The following PARVB variants were observed in gnomAD, a reference collection of about 807,000 sequenced individuals.
PARVB encodes parvin beta, also known as beta-parvin.
In PARVB, 46 loss-of-function variants were observed where a neutral mutation model predicts 47.0. That is an observed-to-expected ratio of 0.98 (90% CI 0.77 to 1.25). PARVB has a LOEUF of 1.25. PARVB is among the 50% of genes most tolerant of loss of function. PARVB has a pLI of 0.00. For missense variants in PARVB, 473 were observed against 471.6 expected (o/e 1.00, Z -0.03); for synonymous variants, 196 against 196.3 (o/e 1.00, Z 0.01).
intron 11 of PARVB, among the ~76,000 whole-genome samples, chr22:44,159,801 G>A (rs868740343): frequency 6.6e-6 from 1 of 152,176 alleles, no homozygotes; most frequent in African/African-American, 2.4e-5. Context: ...CAACACCCGT[G>A]TACTCAAAAC....
intron 7 of PARVB, chr22:44,138,938 G>A (rs993552656): frequency 2.0e-5 from 3 of 152,236 alleles, no homozygotes; most frequent in African/African-American, 7.2e-5. Context: ...AAGGACTTGA[G>A]CCTAGAGGGA....
intron 1 of PARVB, among the ~76,000 whole-genome samples, chr22:44,086,084 C>T (rs1471230971): frequency 6.6e-6 from 1 of 152,222 alleles, no homozygotes; most frequent in Non-Finnish European, 1.5e-5. Context: ...GTTTGGGCCA[C>T]AGTCACGGGG....
chr22:44,107,111 T>C (rs1319527285), intron 3 of PARVB: 3 of 151,848 alleles, frequency 2.0e-5, no homozygotes, highest in Non-Finnish European at 2.9e-5. Context: ...CAGAAGGGAG[T>C]TGAATGGACA....
Position 44,154,194 on chromosome 22 carries a change from CAA to C in PARVB, c.843+2644_843+2645del, listed in dbSNP as rs2053868899. ...AAATTTGCATTTGTTTTTATTTACT[CAA>C]TATCTTCATTTTTTTCCCCCCGATT... is the stretch of plus-strand genomic sequence containing the variant. On this transcript the variant is annotated intron_variant, in intron 10 of 12. Transcript: ENST00000338758. Among the ~76,000 whole-genome samples the C allele has an allele frequency of 2.7e-5, 4 of 150,800 alleles. No individual in the cohort carries two copies. In the Admixed American group the frequency reaches 2.7e-4, roughly 10 times the overall value.
chr22:44,015,316 G>A (rs1275645420), intron 2 of PARVB, among the ~76,000 whole-genome samples: 1 of 152,082 alleles, frequency 6.6e-6, no homozygotes, highest in Non-Finnish European at 1.5e-5. Flanking sequence ...CTAACAAAGA[G>A]CAGCCTGAAA....
upstream of PARVB, chr22:44,024,280 C>G (rs1237597913): frequency 1.0e-6 from 1 of 958,832 alleles, no homozygotes; most frequent in Non-Finnish European, 1.2e-6. Context: ...TCGGCCTCTC[C>G]CCGGGGCGAC....
chr22:44,080,952 G>A (rs1017264275), intron 1 of PARVB, among the ~76,000 whole-genome samples: 1 of 152,176 alleles, frequency 6.6e-6, no homozygotes, highest in Non-Finnish European at 1.5e-5. Flanking sequence ...GGAGAGGAAG[G>A]GGAATGGATG....
chr22:44,008,412 G>C (rs1016990992), intron 2 of PARVB, among the ~76,000 whole-genome samples: 2 of 152,134 alleles, frequency 1.3e-5, no homozygotes, highest in African/African-American at 4.8e-5. Flanking sequence ...GCGCGGTCTA[G>C]AGACAGGATT....
At chr22:44,139,025 G>A (rs2053497200) in intron 7 of PARVB, 1 of 152,172 alleles carries the variant, frequency 6.6e-6, no homozygotes, top group African/African-American at 2.4e-5. Flanking sequence ...CACTCACTGG[G>A]AATCTTTGAG....
In PARVB at chr22:44,028,131, A is replaced by G. The variant is rs368288372; in HGVS notation, c.112+3680A>G. On this transcript the variant is annotated intron_variant, in intron 1 of 12. Coordinates refer to ENST00000338758, the MANE Select transcript of PARVB (RefSeq NM_013327.5). ...GACATCATTATCTCCGCAAGCTCAT[A>G]GTTTACATTAGGGGTTGCTCTTGCC... is the stretch of plus-strand genomic sequence containing the variant. Among the ~76,000 whole-genome samples, 22 of 152,000 alleles carry G rather than the reference A, an allele frequency of 1.4e-4. 1 individual carries two copies. The East Asian group carries it at 3.7e-3, about 25-fold the overall frequency.
intron 9 of PARVB, 64 bp from the exon 10 acceptor site, chr22:44,151,419 C>A (rs903345175): frequency 2.5e-6 from 3 of 1,211,948 alleles, no homozygotes; most frequent in Non-Finnish European, 3.7e-6. Flanking sequence ...GTCAAGCCTG[C>A]CCCTCCAGAT....
At chr22:44,098,248 G>A (rs540114867) in intron 2 of PARVB, among the ~76,000 whole-genome samples, 3 of 152,282 alleles carry the variant, frequency 2.0e-5, no homozygotes, top group Non-Finnish European at 2.9e-5. Flanking sequence ...GTGGACTCAC[G>A]GCCTGGCCCT....
chr22:44,131,686 C>G, intron 5 of PARVB, 59 bp downstream of exon 5: 1 of 1,515,308 alleles, frequency 6.6e-7, no homozygotes, highest in South Asian at 1.3e-5. Context: ...TCTCGACATT[C>G]GTCATCCACA....
intron 1 of PARVB, among the ~76,000 whole-genome samples, chr22:44,064,031 C>T (rs894327153): frequency 2.0e-5 from 3 of 152,192 alleles, no homozygotes; most frequent in Admixed American, 6.5e-5. Flanking sequence ...TCAGTGGCGC[C>T]TTCACCTGTC....
intron 1 of PARVB, among the ~76,000 whole-genome samples, chr22:44,042,105 A>G (rs1383108057): frequency 6.6e-6 from 1 of 151,998 alleles, no homozygotes; most frequent in Non-Finnish European, 1.5e-5. Context: ...GCCATATGAC[A>G]TATTGGGAGA....
chr22:44,156,340 C>T (rs376922908), intron 10 of PARVB, among the ~76,000 whole-genome samples: 28 of 141,524 alleles, frequency 2.0e-4, no homozygotes, highest in Middle Eastern at 4.0e-3. Flanking sequence ...AGTACAGTGG[C>T]GCGATCGCGG....
chr22:44,124,912 G>A (rs934359947), intron 4 of PARVB, among the ~76,000 whole-genome samples: 3 of 152,180 alleles, frequency 2.0e-5, no homozygotes, highest in African/African-American at 7.2e-5. Flanking sequence ...AGAGAGACTA[G>A]GGGAGCCCCT....
intron 4 of PARVB, among the ~76,000 whole-genome samples, chr22:44,123,319 C>T (rs184036023): frequency 1.6e-4 from 24 of 152,242 alleles, no homozygotes; most frequent in East Asian, 1.4e-3. Context: ...GGGGGTAACA[C>T]GCTGATCGGG....
chr22:44,105,699 A>G (rs1396776702), intron 3 of PARVB: 1 of 152,226 alleles, frequency 6.6e-6, no homozygotes, highest in Non-Finnish European at 1.5e-5. Context: ...CATCCTTGAT[A>G]GATAGTAAGA....
Sources: allele counts gnomAD v4.1 joint callset (sites outside exome capture counted in the v4.1 genomes callset), GRCh38; gene constraint gnomAD v4.1.1; transcripts MANE v1.5; gene names NCBI Gene and HGNC (gene_info 2026-07-23, HGNC 2026-07-21).